ACSL4: variants seen among roughly 807,000 people sequenced by gnomAD.
ACSL4 encodes the protein acyl-CoA synthetase long chain family member 4, also known as long-chain-fatty-acid--CoA ligase 4.
ACSL4 carries 9 observed loss-of-function variants against 49.1 expected under a neutral mutation model. The observed-to-expected ratio is 0.18, with a 90% CI of 0.11 to 0.32. The LOEUF (loss-of-function observed/expected upper bound fraction) is 0.32, where lower values mean the gene tolerates loss of function less well. ACSL4 is among the 10% of genes least tolerant of loss of function. The pLI is 1.00. For synonymous variants in ACSL4, 191 were observed against 170.3 expected (o/e 1.12, Z -0.95); for missense variants, 333 against 493.7 (o/e 0.67, Z 3.08).
intron 15 of ACSL4, among the ~76,000 whole-genome samples, chrX:109,655,457 A>G (rs1921557898): frequency 9.0e-6 from 1 of 111,182 alleles, no homozygotes; most frequent in East Asian, 2.8e-4. Context: ...AGACTCTGCC[A>G]GAATATAAAA....
chrX:109,731,680 AC>A (rs1340840938), intron 1 of ACSL4, among the ~76,000 whole-genome samples: 7 of 111,396 alleles, frequency 6.3e-5, no homozygotes, highest in Non-Finnish European at 1.3e-4. Context: ...TTATAGCAGG[AC>A]AATAAGGTAC....
chrX:109,651,892 A>G (rs1463735072), intron 15 of ACSL4, among the ~76,000 whole-genome samples: 1 of 111,964 alleles, frequency 8.9e-6, no homozygotes, highest in Non-Finnish European at 1.9e-5. Flanking sequence ...ACATTATCTA[A>G]TACTCCAAGC....
chrX:109,680,574 G>A (rs1924084274), intron 6 of ACSL4, among the ~76,000 whole-genome samples: 1 of 112,460 alleles, frequency 8.9e-6, no homozygotes, highest in African/African-American at 3.2e-5. Flanking sequence ...ATAAATCCAA[G>A]CATTAATCTT....
intron 1 of ACSL4, among the ~76,000 whole-genome samples, chrX:109,714,294 G>A (rs1926960454): frequency 8.9e-6 from 1 of 112,145 alleles, no homozygotes; most frequent in African/African-American, 3.2e-5. Flanking sequence ...AAATATTTTT[G>A]TACAGCTGTA....
At chrX:109,719,117 C>A (rs1927353424) in intron 1 of ACSL4, among the ~76,000 whole-genome samples, 1 of 111,880 alleles carries the variant, frequency 8.9e-6, no homozygotes, top group African/African-American at 3.2e-5. Flanking sequence ...AAACTGTGGT[C>A]TTTAGGGTTA....
chrX:109,728,192 T>C (rs1055718052), intron 1 of ACSL4, among the ~76,000 whole-genome samples: 11 of 112,471 alleles, frequency 9.8e-5, no homozygotes, highest in African/African-American at 3.6e-4. Context: ...ACAGTTACAA[T>C]GAGTGTCATG....
intron 2 of ACSL4, among the ~76,000 whole-genome samples, chrX:109,695,295 A>C (rs927550883): frequency 1.1e-4 from 12 of 108,405 alleles, no homozygotes; most frequent in African/African-American, 3.0e-4. Flanking sequence ...CAGTGAGCCG[A>C]GATCACACCA....
intron 15 of ACSL4, among the ~76,000 whole-genome samples, chrX:109,644,986 G>A (rs4442305): frequency 3.5e-5 from 4 of 113,145 alleles, no homozygotes; most frequent in African/African-American, 1.3e-4. Context: ...CGGTGCACCA[G>A]GAGATTATAG....
chrX:109,645,662 G>C (rs1289869741), intron 15 of ACSL4, among the ~76,000 whole-genome samples: 1 of 112,548 alleles, frequency 8.9e-6, no homozygotes, highest in Admixed American at 9.4e-5. Flanking sequence ...ACGGAACAAA[G>C]CTGGACGGAG....
At chrX:109,718,179 T>C (rs759439480) in intron 1 of ACSL4, among the ~76,000 whole-genome samples, 1 of 112,549 alleles carries the variant, frequency 8.9e-6, no homozygotes, top group Non-Finnish European at 1.9e-5. Context: ...TAGAAAAGAC[T>C]GGACAAATAA....
rs1409803653 is a variant in ACSL4, at chrX:109,678,006, C to T, written c.912G>A (p.Pro304=). Residue 304 remains proline, a synonymous_variant, in exon 8 of 16, where the codon CCG becomes CCA. Coordinates refer to ENST00000672401, the MANE Select transcript of ACSL4 (RefSeq NM_001318510.2). ...TTGTCACCTGGTCAGAGAGTGTAAG[C>T]GGAGAAGAATATCCAATCCTGCAGC... is the stretch of plus-strand genomic sequence containing the variant. ...TYGCRIGYSS[P]LTLSDQSSKI... 4 of 1,209,389 alleles carry T rather than the reference C, an allele frequency of 3.3e-6. No individual in the cohort carries two copies. Among genetic ancestry groups the T allele is most frequent in the African/African-American group, 1.8e-5 (1 of 57,046 alleles).
At chrX:109,668,912 C>T (rs1267193454) in intron 10 of ACSL4, 122 bp downstream of exon 10, 1 of 566,721 alleles carries the variant, frequency 1.8e-6, no homozygotes, top group East Asian at 3.7e-5. Flanking sequence ...AGAATTTCAA[C>T]CTTATGATCA....
intron 1 of ACSL4, among the ~76,000 whole-genome samples, chrX:109,716,099 G>A (rs1438555920): frequency 9.0e-6 from 1 of 111,480 alleles, no homozygotes; most frequent in Non-Finnish European, 1.9e-5. Flanking sequence ...AGGTACATGT[G>A]CGTGCATTTG....
At chrX:109,681,875 C>G (rs1007534360) in intron 4 of ACSL4, among the ~76,000 whole-genome samples, 4 of 111,609 alleles carry the variant, frequency 3.6e-5, no homozygotes, top group Non-Finnish European at 7.5e-5. Context: ...TGATTGGTGA[C>G]CTCCACACCT....
At chrX:109,727,161 C>T (rs1928070649) in intron 1 of ACSL4, among the ~76,000 whole-genome samples, 1 of 111,715 alleles carries the variant, frequency 9.0e-6, no homozygotes, top group Admixed American at 9.6e-5. Flanking sequence ...AAATACACAG[C>T]CACCTGTCTT....
At chrX:109,671,724 T>C (rs1923260608) in intron 9 of ACSL4, among the ~76,000 whole-genome samples, 1 of 112,459 alleles carries the variant, frequency 8.9e-6, no homozygotes, top group African/African-American at 3.2e-5. Flanking sequence ...CGTTTTGTTC[T>C]GTACTAAGAA....
intron 8 of ACSL4, among the ~76,000 whole-genome samples, chrX:109,674,793 A>G (rs974193938): frequency 3.6e-5 from 4 of 112,479 alleles, no homozygotes; most frequent in African/African-American, 1.3e-4. Context: ...TACATTTTCA[A>G]AAAAACTTGA....
chrX:109,720,377 A>G (rs1927456445), intron 1 of ACSL4, among the ~76,000 whole-genome samples: 1 of 110,963 alleles, frequency 9.0e-6, no homozygotes, highest in Non-Finnish European at 1.9e-5. Context: ...TCTCTTGATG[A>G]TCAAGAGGAT....
At chrX:109,731,231 A>G (rs139929248) in intron 1 of ACSL4, among the ~76,000 whole-genome samples, 1 of 110,936 alleles carries the variant, frequency 9.0e-6, no homozygotes, top group African/African-American at 3.3e-5. Flanking sequence ...AAATTGCATT[A>G]TATGTGTGTG....
Sources: allele counts gnomAD v4.1 joint callset (sites outside exome capture counted in the v4.1 genomes callset), GRCh38; gene constraint gnomAD v4.1.1; transcripts MANE v1.5; gene names NCBI Gene and HGNC (gene_info 2026-07-23, HGNC 2026-07-21).